The following BTBD7 variants were observed in gnomAD, a reference collection of about 807,000 sequenced individuals.
BTBD7 encodes the protein BTB/POZ domain-containing protein 7.
A neutral mutation model predicts 99.9 loss-of-function variants in BTBD7; 38 were observed. The observed-to-expected ratio is 0.38, with a 90% CI of 0.29 to 0.50. The LOEUF is 0.50. Ranked by LOEUF, BTBD7 falls within the 20% of genes least tolerant of loss-of-function variation. The pLI is 0.93. For missense variants in BTBD7, 1,170 were observed against 1,394.6 expected (o/e 0.84, Z 2.57); for synonymous variants, 520 against 511.4 (o/e 1.02, Z -0.23).
At position 93,263,815 on chromosome 14, in the gene BTBD7, C is replaced by T; in HGVS notation, c.1341G>A (p.Leu447=). 1.9e-6 allele frequency: 3 copies of T among 1,614,096 alleles called. No homozygotes were observed. Among genetic ancestry groups the T allele is most frequent in the Non-Finnish European group, 2.5e-6 (3 of 1,179,992 alleles). ...GGTAGTCAGACTGGATAGCAGTAAGCAGATGGTCTTTGCTGAGTTCATAAA... is the reference window on the plus strand; with the variant it reads ...GGTAGTCAGACTGGATAGCAGTAAGTAGATGGTCTTTGCTGAGTTCATAAA... ...DVFYELSKDH[L]LTAIQSDYLQ... is the part of the protein sequence containing the mutation. The change falls in exon 4 of 11, where the codon CTG becomes CTA. Residue 447 remains leucine (L), a synonymous_variant. Transcript: ENST00000334746.
At position 93,251,662 on chromosome 14, in the gene BTBD7, T is replaced by A; in HGVS notation, c.1753-10A>T. ...TCTCATCTAGCACTGACTGAAATAA[T>A]CATTCAGTATTAACAAAACCAGTCA... On this transcript the variant is annotated splice_polypyrimidine_tract_variant and intron_variant, in intron 7 of 10. Transcript: ENST00000334746. 3.8e-6 allele frequency: 6 copies of A among 1,561,646 alleles called. No individual in the cohort carries two copies. Among genetic ancestry groups the A allele is most frequent in the Non-Finnish European group, 5.2e-6 (6 of 1,144,210 alleles).
chr14:93,257,230 T>C lies in BTBD7; in HGVS notation c.1573A>G (p.Ile525Val), dbSNP rs766852141. 6.2e-7 allele frequency: 1 copy of C among 1,614,178 alleles called. No individual in the cohort carries two copies. Among genetic ancestry groups the C allele is most frequent in the Non-Finnish European group, 8.5e-7 (1 of 1,180,000 alleles). Reference sequence around the variant, plus strand: ...AAGACTTCACTGTTTATAGGTAAGATGTGTTCAATTCGCACAAAAGGTAAG... The same window carrying C: ...AAGACTTCACTGTTTATAGGTAAGACGTGTTCAATTCGCACAAAAGGTAAG... ...SLLPFVRIEH[I>V]LPINSEVLSD... Residue 525 changes from isoleucine (I) to valine (V), a missense_variant, in exon 6 of 11, where the codon ATC becomes GTC. Ile to Val is a conservative substitution (Grantham distance 29, BLOSUM62 3). Transcript: ENST00000334746.
intron 3 of BTBD7, among the ~76,000 whole-genome samples, chr14:93,266,409 C>T (rs6575312): frequency 0.041 from 6,195 of 152,064 alleles, 172 homozygotes; most frequent in South Asian, 0.078. Context: ...GAAAAAAGCT[C>T]CAAGCAAGAG....
rs897540408 is a variant in BTBD7, at chr14:93,249,063, C to T, written c.1943-409G>A. 7.9e-5 allele frequency among the ~76,000 whole-genome samples: 12 copies of T among 152,086 alleles called. No homozygotes were observed. In the South Asian group the frequency reaches 1.5e-3, roughly 18 times the overall value. On this transcript the variant is annotated intron_variant, in intron 8 of 10. Coordinates refer to ENST00000334746, the MANE Select transcript of BTBD7 (RefSeq NM_001002860.4). ...GTGCACAGAATGAAACACGATTCCTCTTCTCAAAAGTTTCTGGCTTAGTGA... is the reference window on the plus strand; with the variant it reads ...GTGCACAGAATGAAACACGATTCCTTTTCTCAAAAGTTTCTGGCTTAGTGA...
At chr14:93,309,722 CTTGA>C (rs1478397571) in intron 1 of BTBD7, among the ~76,000 whole-genome samples, 1 of 152,048 alleles carries the variant, frequency 6.6e-6, no homozygotes, top group Non-Finnish European at 1.5e-5. Flanking sequence ...TAAAATGTTT[CTTGA>C]TTGTGATTAA....
chr14:93,297,776 A>G (rs1220657195), intron 1 of BTBD7, among the ~76,000 whole-genome samples: 1 of 152,152 alleles, frequency 6.6e-6, no homozygotes, highest in Admixed American at 6.5e-5. Context: ...TCCTAATCTC[A>G]CTCAGGGTTT....
chr14:93,243,078 G>C lies in BTBD7; in HGVS notation c.2594C>G (p.Pro865Arg), dbSNP rs747697657. ...AASEKQVRTQ[P>R]VLNDLMPDIA... ...GTCTGGCATCAGATCATTCAGCACA[G>C]GTTGTGTTCGCTGCAGACAGAGACA... The change falls in exon 11 of 11, where the codon CCT becomes CGT. Residue 865 changes from proline (P) to arginine (R), a missense_variant. Physicochemically the swap from Pro to Arg is moderately radical, Grantham distance 103. Transcript: ENST00000334746. The C allele has an allele frequency of 6.2e-7, 1 of 1,610,392 alleles. No homozygotes were observed. The highest frequency in any genetic ancestry group is 1.1e-5 in the South Asian group (1 of 91,006).
At chr14:93,332,143 C>T (rs146134230) in intron 1 of BTBD7, among the ~76,000 whole-genome samples, 288 of 152,296 alleles carry the variant, frequency 1.9e-3, no homozygotes, top group African/African-American at 6.6e-3. Flanking sequence ...CGGGGTAAAG[C>T]TAGCAAACAC....
At chr14:93,295,886 T>A in intron 2 of BTBD7, 84 bp downstream of exon 2, 2 of 1,273,738 alleles carry the variant, frequency 1.6e-6, no homozygotes, top group Non-Finnish European at 2.2e-6. Context: ...ACAGCTCACT[T>A]CTTTTGTCAT....
intron 1 of BTBD7, among the ~76,000 whole-genome samples, 160 bp downstream of exon 1, chr14:93,332,660 T>C (rs1048340917): frequency 6.6e-6 from 1 of 150,722 alleles, no homozygotes; most frequent in East Asian, 2.0e-4. Flanking sequence ...GACGGACGAC[T>C]GGCCCCTCCC....
At chr14:93,311,115 C>T (rs1365062117) in intron 1 of BTBD7, among the ~76,000 whole-genome samples, 1 of 152,164 alleles carries the variant, frequency 6.6e-6, no homozygotes, top group Non-Finnish European at 1.5e-5. Context: ...TCCTTAAAGA[C>T]AATCAGTGAG....
At chr14:93,253,499 T>C (rs549345873) in intron 7 of BTBD7, 148 bp downstream of exon 7, 2 of 603,560 alleles carry the variant, frequency 3.3e-6, no homozygotes, top group East Asian at 6.2e-5. Flanking sequence ...AACTATTCTG[T>C]TGAGTAGTCA....
Position 93,293,997 on chromosome 14 carries a change from AAC to A in BTBD7, c.1021_1022del (p.Val341PhefsTer4). The A allele has an allele frequency of 1.2e-6, 2 of 1,613,902 alleles. No homozygotes were observed. Among genetic ancestry groups the A allele is most frequent in the Non-Finnish European group, 1.7e-6 (2 of 1,179,880 alleles). ...CMYTDVVDLSVLHCSPSVGSL... is the reference protein window; with the variant it reads ...CMYTDVVDLSXLHCSPSVGSL... ...TCCCCACAGAGGGGCTACAGTGCAA[AAC>A]AGAGAGGTCCACCACGTCGGTATAC... On this transcript the variant is annotated frameshift_variant, in exon 3 of 11. Coordinates refer to ENST00000334746, the MANE Select transcript of BTBD7 (RefSeq NM_001002860.4). LOFTEE classifies it high-confidence loss of function.
At chr14:93,284,380 C>T (rs1419430309) in intron 3 of BTBD7, among the ~76,000 whole-genome samples, 1 of 151,714 alleles carries the variant, frequency 6.6e-6, no homozygotes, top group African/African-American at 2.4e-5. Flanking sequence ...TGTTCCTATT[C>T]TGGGGTTAAG....
At chr14:93,308,300 A>AAAAAG (rs71462001) in intron 1 of BTBD7, among the ~76,000 whole-genome samples, 1 of 104,380 alleles carries the variant, frequency 9.6e-6, no homozygotes, top group Non-Finnish European at 2.2e-5. Flanking sequence ...AAAAAAAAAA[A>AAAAAG]AAAAGAAAAG....
At chr14:93,312,119 T>C (rs1595336854) in intron 1 of BTBD7, among the ~76,000 whole-genome samples, 1 of 152,306 alleles carries the variant, frequency 6.6e-6, no homozygotes, top group African/African-American at 2.4e-5. Flanking sequence ...CTATGAGCAA[T>C]GCTGAAATTA....
intron 1 of BTBD7, among the ~76,000 whole-genome samples, chr14:93,322,613 A>G (rs992017008): frequency 1.3e-5 from 2 of 152,214 alleles, no homozygotes; most frequent in Non-Finnish European, 2.9e-5. Flanking sequence ...TTCAAAGTGG[A>G]TAGAGAAATA....
At position 93,296,046 on chromosome 14, in the gene BTBD7, A is replaced by C; in HGVS notation, c.6T>G (p.Gly2=). ...AATGAGGATAATTAGATGCATTAGC[A>C]CCCATTTTCTTCAGTCACTCAGGCA... M[G]ANASNYPHSC... Residue 2 remains glycine, a synonymous_variant, in exon 2 of 11, where the codon GGT becomes GGG. Coordinates refer to ENST00000334746, the MANE Select transcript of BTBD7 (RefSeq NM_001002860.4). 6.2e-7 allele frequency: 1 copy of C among 1,613,666 alleles called. No individual in the cohort carries two copies. The highest frequency in any genetic ancestry group is 8.5e-7 in the Non-Finnish European group (1 of 1,179,802).
chr14:93,302,464 A>C (rs948809908), intron 1 of BTBD7, among the ~76,000 whole-genome samples: 8 of 152,190 alleles, frequency 5.3e-5, no homozygotes, highest in African/African-American at 1.9e-4. Flanking sequence ...CGTGTAGCCC[A>C]GGTCTGACCA....
Sources: allele counts gnomAD v4.1 joint callset (sites outside exome capture counted in the v4.1 genomes callset), GRCh38; gene constraint gnomAD v4.1.1; transcripts MANE v1.5; gene names NCBI Gene and HGNC (gene_info 2026-07-23, HGNC 2026-07-21).